THEM5: variants seen among roughly 807,000 people sequenced by gnomAD.
The protein encoded by THEM5 is thioesterase superfamily member 5.
THEM5 carries 28 observed loss-of-function variants against 24.2 expected under a neutral mutation model. The observed-to-expected ratio is 1.16, with a 90% CI of 0.86 to 1.59. The LOEUF is 1.59. THEM5 is among the 40% of genes most tolerant of loss of function. THEM5 has a pLI of 0.00. For missense variants in THEM5, 260 were observed against 296.8 expected, an observed-to-expected ratio of 0.88 and a Z score of 0.91; for synonymous variants, 87 against 114.5, an observed-to-expected ratio of 0.76 and a Z score of 1.53.
Position 151,847,787 on chromosome 1 carries a change from G to A in THEM5, c.651C>T (p.Ser217=), listed in dbSNP as rs1652984075. The A allele has an allele frequency of 3.1e-6, 5 of 1,614,018 alleles. No individual in the cohort carries two copies. Among genetic ancestry groups the A allele is most frequent in the Non-Finnish European group, 4.2e-6 (5 of 1,180,016 alleles). The change falls in exon 5 of 6, where the codon TCC becomes TCT. Residue 217 remains serine (S), a synonymous_variant. Coordinates refer to ENST00000368817, the MANE Select transcript of THEM5 (RefSeq NM_182578.4). ...DKIEDQKLYM[S]CIAHSRDQQT... is the part of the protein sequence containing the mutation. The stretch of plus-strand genomic sequence containing the variant: ...GCTGGTCTCTGCTGTGGGCGATGCA[G>A]GACATGTAAAGCTTCTGGTCCTCAA...
chr1:151,852,094 A>C (rs1295372697), intron 2 of THEM5, among the ~76,000 whole-genome samples, 164 bp downstream of exon 2: 1 of 152,076 alleles, frequency 6.6e-6, no homozygotes, highest in Non-Finnish European at 1.5e-5. Context: ...TGGAGACCTG[A>C]GAGGACACCC....
intron 4 of THEM5, 143 bp from the exon 5 acceptor site, chr1:151,848,005 T>C: frequency 6.7e-7 from 1 of 1,496,234 alleles, no homozygotes; most frequent in Non-Finnish European, 9.0e-7. Context: ...TTTTGTCAGC[T>C]CCCAAAGTTG....
chr1:151,852,223 G>A lies in THEM5; in HGVS notation c.325+35C>T, dbSNP rs183715092. ...TCAGTCTTAGAACACAGGGAAGGGC[G>A]GCTGGGGTGTGTGTACTCATGGTCC... On this transcript the variant is annotated intron_variant, in intron 2 of 5. Coordinates refer to ENST00000368817, the MANE Select transcript of THEM5 (RefSeq NM_182578.4). 5.4e-5 allele frequency: 87 copies of A among 1,601,184 alleles called. No homozygotes were observed. In the African/African-American group the frequency reaches 9.8e-4, roughly 18 times the overall value.
intron 2 of THEM5, 87 bp downstream of exon 2, chr1:151,852,171 C>T (rs1653146678): frequency 1.5e-6 from 2 of 1,344,768 alleles, no homozygotes; most frequent in African/African-American, 1.4e-5. Context: ...TCGCTGAGAA[C>T]TGGAAGGCGG....
At chr1:151,848,107 A>G in intron 4 of THEM5, 75 bp downstream of exon 4, 1 of 1,502,852 alleles carries the variant, frequency 6.7e-7, no homozygotes, top group Non-Finnish European at 9.2e-7. Context: ...CCTACACCCC[A>G]GCTGCCGAGG....
In THEM5 at chr1:151,851,199, G is replaced by C; in HGVS notation, c.326-8C>G. ...TGCGACAGTCACCTTTGTCTGGGGA[G>C]AGATAGGCAGTGTTGCAGCCGGAGA... On this transcript the variant is annotated splice_region_variant and splice_polypyrimidine_tract_variant and intron_variant, in intron 2 of 5. Coordinates refer to ENST00000368817, the MANE Select transcript of THEM5 (RefSeq NM_182578.4). The C allele has an allele frequency of 6.2e-7, 1 of 1,614,200 alleles. No homozygotes were observed. The highest frequency in any genetic ancestry group is 1.1e-5 in the South Asian group (1 of 91,084).
At chr1:151,853,307 C>G (rs1558182045) in intron 1 of THEM5, 136 bp downstream of exon 1, 1 of 1,227,060 alleles carries the variant, frequency 8.1e-7, no homozygotes, top group Non-Finnish European at 1.1e-6. Flanking sequence ...AGCACTTTCT[C>G]TTTGCCAAAT....
At chr1:151,848,931 T>C (rs538068385) in intron 3 of THEM5, among the ~76,000 whole-genome samples, 19 of 152,294 alleles carry the variant, frequency 1.2e-4, no homozygotes, top group African/African-American at 4.1e-4. Context: ...TTAGAATGCA[T>C]AGAATGGCCA....
At chr1:151,848,004 C>T in intron 4 of THEM5, 142 bp from the exon 5 acceptor site, 1 of 1,498,248 alleles carries the variant, frequency 6.7e-7, no homozygotes, top group Non-Finnish European at 8.9e-7. Context: ...TTTTTGTCAG[C>T]TCCCAAAGTT....
chr1:151,850,943 T>C, intron 3 of THEM5, 110 bp downstream of exon 3: 2 of 1,396,556 alleles, frequency 1.4e-6, no homozygotes, highest in East Asian at 2.4e-5. Context: ...CACACTCCCT[T>C]CCTCACCCCT....
intron 2 of THEM5, 36 bp downstream of exon 2, chr1:151,852,222 C>A (rs200712694): frequency 6.3e-7 from 1 of 1,599,194 alleles, no homozygotes; most frequent in Non-Finnish European, 8.6e-7. Context: ...CAGGGAAGGG[C>A]GGCTGGGGTG....
At chr1:151,847,612 A>C in intron 5 of THEM5, 126 bp downstream of exon 5, 1 of 1,437,590 alleles carries the variant, frequency 7.0e-7, no homozygotes, top group South Asian at 1.2e-5. Context: ...TAGGTGCCCT[A>C]TCCCACCCCT....
At chr1:151,852,122 G>T in intron 2 of THEM5, 136 bp downstream of exon 2, 1 of 824,182 alleles carries the variant, frequency 1.2e-6, no homozygotes, top group Non-Finnish European at 2.0e-6. Context: ...GTTGCCTGGG[G>T]CTGCAGCATC....
rs901703111 is a variant in THEM5, at chr1:151,847,290, G to T, written c.*81C>A. The T allele has an allele frequency of 1.0e-6, 1 of 982,234 alleles. No homozygotes were observed. The highest frequency in any genetic ancestry group is 2.2e-5 in the Admixed American group (1 of 45,312). The allele number at this position is 982,234 out of a possible 1,614,324, so 60.8% of individuals were successfully genotyped here. Reference sequence around the variant, plus strand: ...AGGCAGGAGGCAGGCAGGGGAGGCAGGAGGCAGGAGGCAGGCAGGGGAGGC... The same window carrying T: ...AGGCAGGAGGCAGGCAGGGGAGGCATGAGGCAGGAGGCAGGCAGGGGAGGC... On this transcript the variant is annotated 3_prime_UTR_variant, in exon 6 of 6. Coordinates refer to ENST00000368817, the MANE Select transcript of THEM5 (RefSeq NM_182578.4).
chr1:151,847,953 C>A, intron 4 of THEM5, 91 bp from the exon 5 acceptor site: 1 of 1,578,126 alleles, frequency 6.3e-7, no homozygotes, highest in Non-Finnish European at 8.6e-7. Context: ...CTTCATCCCT[C>A]CCGGCCTCGA....
At chr1:151,850,355 T>G (rs1293647836) in intron 3 of THEM5, 3 of 152,464 alleles carry the variant, frequency 2.0e-5, no homozygotes, top group East Asian at 1.9e-4. Context: ...TGGACACATT[T>G]ATGCCCAGTG....
At position 151,847,378 on chromosome 1, in the gene THEM5, G is replaced by A. The variant is rs375477086; in HGVS notation, c.737C>T (p.Pro246Leu). The change falls in exon 6 of 6, where the codon CCC (proline) becomes CTC (leucine). Residue 246 changes from proline (P) to leucine (L), a missense_variant. Physicochemically the swap from Pro to Leu is moderately conservative, Grantham distance 98. Transcript: ENST00000368817. ...CTGCAGGCACAGTGACTGTTACTGG[G>A]GAGACTCTTCTTCCAACTGCAGCTG... is the stretch of plus-strand genomic sequence containing the variant. The part of the protein sequence containing the change: ...FLQLQLEEES[P>L]Q The A allele has an allele frequency of 6.2e-7, 1 of 1,613,860 alleles. No individual in the cohort carries two copies. The highest frequency in any genetic ancestry group is 8.5e-7 in the Non-Finnish European group (1 of 1,179,938).
In THEM5 at chr1:151,853,692, G is replaced by A. The variant is rs557701528; in HGVS notation, c.-127C>T. On this transcript the variant is annotated 5_prime_UTR_variant, in exon 1 of 6. Transcript: ENST00000368817. ...CAGGCTTTCTTTCAGAGAGCTAGGC[G>A]AGGCTGGGCTGGTGTGCTGCAACAC... The A allele has an allele frequency of 7.4e-5, 98 of 1,325,868 alleles. No homozygotes were observed. In the African/African-American group the frequency reaches 8.6e-4, roughly 12 times the overall value. The allele number at this position is 1,325,868 out of a possible 1,614,324, so 82.1% of individuals were successfully genotyped here.
In THEM5 at chr1:151,848,358, G is replaced by C. The variant is rs1225092064; in HGVS notation, c.465-66C>G. 5.6e-6 allele frequency: 7 copies of C among 1,246,230 alleles called. No homozygotes were observed. The South Asian group carries it at 7.2e-5, about 13-fold the overall frequency. 77.2% of individuals were successfully genotyped at this position (1,246,230 alleles called of 1,614,324 possible). A position where few individuals can be genotyped will look rare whatever the true frequency, so the allele number is the denominator to read the frequency against. On this transcript the variant is annotated intron_variant, in intron 3 of 5. Coordinates refer to ENST00000368817, the MANE Select transcript of THEM5 (RefSeq NM_182578.4). ...GCTGCTGGGCAGACCCCCTCAATGG[G>C]CCTTCCCTCCCTCCTGTGGTGATCC... is the stretch of plus-strand genomic sequence containing the variant.
Sources: gnomAD v4.1 joint callset for allele counts (sites outside exome capture counted in the v4.1 genomes callset) on GRCh38, gnomAD v4.1.1 for gene constraint, MANE v1.5 for transcripts, NCBI Gene and HGNC (gene_info 2026-07-23, HGNC 2026-07-21) for gene names.